The following NOD2 variants were observed in gnomAD, a reference collection of about 807,000 sequenced individuals.
NOD2 encodes nucleotide binding oligomerization domain containing 2, also known as nucleotide-binding oligomerization domain-containing protein 2.
A neutral mutation model predicts 90.9 loss-of-function variants in NOD2; 86 were observed. The observed-to-expected ratio is 0.95, with a 90% confidence interval of 0.79 to 1.13. The LOEUF (loss-of-function observed/expected upper bound fraction) is 1.13, where lower values mean the gene tolerates loss of function less well. Ranked by LOEUF, NOD2 falls within the 50% of genes most tolerant of loss-of-function variation. The pLI is 0.00. For synonymous variants in NOD2, 581 were observed against 554.6 expected (o/e 1.05, Z -0.67); for missense variants, 1,238 against 1,283.8 (o/e 0.96, Z 0.55).
At chr16:50,717,901 G>C (rs139356723) in intron 6 of NOD2, among the ~76,000 whole-genome samples, 86 of 152,360 alleles carry the variant, frequency 5.6e-4, no homozygotes, top group African/African-American at 2.0e-3. Flanking sequence ...GATGTTCTAA[G>C]ACCCCAGTGG....
chr16:50,727,893 C>T (rs1965321263), intron 10 of NOD2: 1 of 266,370 alleles, frequency 3.8e-6, no homozygotes, highest in African/African-American at 2.3e-5. Context: ...TGACCATGAC[C>T]TTTTTTTTTT....
intron 9 of NOD2, among the ~76,000 whole-genome samples, chr16:50,724,442 G>A (rs1965195712): frequency 6.6e-6 from 1 of 152,218 alleles, no homozygotes; most frequent in Non-Finnish European, 1.5e-5. Flanking sequence ...TATGAATTGG[G>A]CAGCATTCAG....
chr16:50,704,663 A>C (rs1469895100), intron 2 of NOD2, among the ~76,000 whole-genome samples: 1 of 151,884 alleles, frequency 6.6e-6, no homozygotes, highest in Non-Finnish European at 1.5e-5. Flanking sequence ...CCTCCTGAGC[A>C]GCTGGGATTA....
intron 6 of NOD2, among the ~76,000 whole-genome samples, chr16:50,717,579 A>G (rs1964857218): frequency 1.3e-5 from 2 of 152,192 alleles, no homozygotes; most frequent in African/African-American, 2.4e-5. Flanking sequence ...GTGAGGCAGT[A>G]AAAAAAGACA....
intron 4 of NOD2, chr16:50,712,607 C>A (rs1596873075): frequency 3.4e-6 from 2 of 595,492 alleles, no homozygotes. Flanking sequence ...TCCGGAATGA[C>A]CTCATCTAAT....
At chr16:50,723,481 G>A (rs1414814364) in intron 9 of NOD2, 97 bp downstream of exon 9, 4 of 1,040,496 alleles carry the variant, frequency 3.8e-6, no homozygotes, top group Non-Finnish European at 4.5e-6. Flanking sequence ...ACAGACAAAG[G>A]TGGATGATTG....
At position 50,732,321 on chromosome 16, in the gene NOD2, CCCTCCTCCTG is replaced by C; in HGVS notation, c.*503_*512del. ...GGCCATTCCCCGTCTCTGGTTCCTC[CCCTCCTCCTG>C]GACTCCTGCACACGCTCCTTCCTCT... On this transcript the variant is annotated 3_prime_UTR_variant, in exon 12 of 12. Transcript: ENST00000647318. 4 of 188,804 alleles carry C rather than the reference CCCTCCTCCTG, an allele frequency of 2.1e-5. No individual in the cohort carries two copies. The highest frequency in any genetic ancestry group is 1.1e-4 in the Admixed American group (2 of 18,874). The allele number at this position is 188,804 out of a possible 1,614,324, so 11.7% of individuals were successfully genotyped here. A position where few individuals can be genotyped will look rare whatever the true frequency, so the allele number is the denominator to read the frequency against.
At position 50,732,723 on chromosome 16, in the gene NOD2, T is replaced by G. The variant is rs1965499674; in HGVS notation, c.*904T>G. ...AGGCTTCTGGTTGATGCCTGTGAAC[T>G]GAACTCTGACAACAGACTTCTGAAA... On this transcript the variant is annotated 3_prime_UTR_variant, in exon 12 of 12. Coordinates refer to ENST00000647318, the MANE Select transcript of NOD2 (RefSeq NM_001370466.1). 6.6e-6 allele frequency: 1 copy of G among 152,372 alleles called. No individual in the cohort carries two copies. The highest frequency in any genetic ancestry group is 1.5e-5 in the Non-Finnish European group (1 of 68,042). 9.4% of individuals were successfully genotyped at this position (152,372 alleles called of 1,614,324 possible). A position where few individuals can be genotyped will look rare whatever the true frequency, so the allele number is the denominator to read the frequency against.
intron 10 of NOD2, among the ~76,000 whole-genome samples, chr16:50,726,115 G>A (rs998236402): frequency 1.3e-5 from 2 of 152,160 alleles, no homozygotes; most frequent in Non-Finnish European, 2.9e-5. Context: ...GTGATGGGGA[G>A]TACTGTGGCC....
chr16:50,703,406 G>C (rs999176329), intron 2 of NOD2, among the ~76,000 whole-genome samples: 2 of 152,216 alleles, frequency 1.3e-5, no homozygotes, highest in African/African-American at 4.8e-5. Context: ...TTGGGAGGCT[G>C]AGGCAGGTGG....
At chr16:50,708,638 T>A (rs1448239883) in intron 3 of NOD2, among the ~76,000 whole-genome samples, 2 of 152,082 alleles carry the variant, frequency 1.3e-5, no homozygotes, top group Non-Finnish European at 2.9e-5. Context: ...GGAGAAGAAA[T>A]GTCAGTTGTA....
intron 11 of NOD2, among the ~76,000 whole-genome samples, chr16:50,731,440 C>T (rs1037640532): frequency 1.3e-5 from 2 of 152,142 alleles, no homozygotes; most frequent in African/African-American, 4.8e-5. Flanking sequence ...AGGGTTTGCT[C>T]ATTGCATTCT....
At position 50,707,915 on chromosome 16, in the gene NOD2, C is replaced by T; in HGVS notation, c.520C>T (p.Gln174Ter). The T allele has an allele frequency of 1.2e-6, 2 of 1,614,048 alleles. No individual in the cohort carries two copies. The highest frequency in any genetic ancestry group is 2.2e-5 in the South Asian group (2 of 91,074). The change falls in exon 3 of 12, where the codon CAA (glutamine) becomes TAA (stop). Residue 174 changes from glutamine (Q) to a stop codon, truncating the protein, a stop_gained. Coordinates refer to ENST00000647318, the MANE Select transcript of NOD2 (RefSeq NM_001370466.1). LOFTEE classifies it high-confidence loss of function. ...KANGLAAFLL[Q>*]HVQELPVPLA... ...GAATGGATTGGCTGCCTTCCTTCTA[C>T]AACATGTTCAGGAATTACCAGTCCC...
intron 10 of NOD2, chr16:50,727,641 G>A: frequency 2.9e-6 from 1 of 343,906 alleles, no homozygotes; most frequent in Admixed American, 3.1e-5. Context: ...TAGAGGTCAG[G>A]TAAATATGGC....
intron 7 of NOD2, among the ~76,000 whole-genome samples, chr16:50,721,415 T>G (rs1033977333): frequency 2.0e-5 from 3 of 152,080 alleles, no homozygotes; most frequent in East Asian, 3.9e-4. Context: ...TGTTGTTGTT[T>G]TTTTTTGCTT....
intron 3 of NOD2, chr16:50,709,881 G>A (rs968515803): frequency 2.2e-6 from 1 of 450,018 alleles, no homozygotes; most frequent in Non-Finnish European, 4.5e-6. Flanking sequence ...CTTTTAAACT[G>A]TATTTTATCT....
rs1056305559 is a variant in NOD2, at chr16:50,732,716, T to A, written c.*897T>A. 2.6e-5 allele frequency: 4 copies of A among 152,402 alleles called. No homozygotes were observed. The highest frequency in any genetic ancestry group is 9.6e-5 in the African/African-American group (4 of 41,470). 9.4% of individuals were successfully genotyped at this position (152,402 alleles called of 1,614,324 possible). On this transcript the variant is annotated 3_prime_UTR_variant, in exon 12 of 12. Coordinates refer to ENST00000647318, the MANE Select transcript of NOD2 (RefSeq NM_001370466.1). ...CCTCACTAGGCTTCTGGTTGATGCCTGTGAACTGAACTCTGACAACAGACT... is the reference window on the plus strand; with the variant it reads ...CCTCACTAGGCTTCTGGTTGATGCCAGTGAACTGAACTCTGACAACAGACT...
At position 50,729,674 on chromosome 16, in the gene NOD2, TG is replaced by T. The variant is rs1019164968; in HGVS notation, c.2886-141del. On this transcript the variant is annotated intron_variant, in intron 10 of 11. Transcript: ENST00000647318. ...ACTGAGCCTTTGTTGATGAGCTCAT[TG>T]GGAATCTCAGACATGAGCAGGATGT... 42 of 676,996 alleles carry T rather than the reference TG, an allele frequency of 6.2e-5. No individual in the cohort carries two copies. In the African/African-American group the frequency reaches 7.4e-4, roughly 12 times the overall value. 41.9% of individuals were successfully genotyped at this position (676,996 alleles called of 1,614,324 possible).
intron 2 of NOD2, 125 bp downstream of exon 2, chr16:50,700,079 T>C: frequency 1.2e-6 from 1 of 850,974 alleles, no homozygotes; most frequent in Non-Finnish European, 1.9e-6. Context: ...CCTAAAAAGG[T>C]AGCCAGGCAG....
Sources: allele counts gnomAD v4.1 joint callset (sites outside exome capture counted in the v4.1 genomes callset), GRCh38; gene constraint gnomAD v4.1.1; transcripts MANE v1.5; gene names NCBI Gene and HGNC (gene_info 2026-07-23, HGNC 2026-07-21).